The following GABPB1 variants were observed in gnomAD, a reference collection of about 807,000 sequenced individuals.
GABPB1 encodes GA-binding protein subunit beta-1.
A neutral mutation model predicts 45.9 loss-of-function variants in GABPB1; 15 were observed. The ratio of observed to expected loss-of-function variants is 0.33; its 90% CI spans 0.22 to 0.50. The LOEUF (loss-of-function observed/expected upper bound fraction) is 0.50, where lower values mean the gene tolerates loss of function less well. Ranked by LOEUF, GABPB1 falls within the 20% of genes least tolerant of loss-of-function variation. The pLI, the probability that GABPB1 is intolerant of heterozygous loss-of-function variation, is 0.98. For missense variants in GABPB1, 252 were observed against 457.5 expected, an observed-to-expected ratio of 0.55 and a Z score of 4.10; for synonymous variants, 143 against 154.4, an observed-to-expected ratio of 0.93 and a Z score of 0.55.
chr15:50,287,686 T>TA (rs562387425), intron 7 of GABPB1, among the ~76,000 whole-genome samples: 6 of 152,226 alleles, frequency 3.9e-5, no homozygotes, highest in Non-Finnish European at 8.8e-5. Context: ...TGTATAATGA[T>TA]ACGGGTTTTG....
chr15:50,311,263 T>C (rs1240537008), intron 1 of GABPB1, among the ~76,000 whole-genome samples: 1 of 152,150 alleles, frequency 6.6e-6, no homozygotes, highest in African/African-American at 2.4e-5. Context: ...TACTCAATTA[T>C]GTCATACAGT....
chr15:50,332,634 T>C (rs1408219031), intron 1 of GABPB1, among the ~76,000 whole-genome samples: 1 of 152,144 alleles, frequency 6.6e-6, no homozygotes, highest in Admixed American at 6.6e-5. Context: ...TTTAAAATAC[T>C]TGGGATATAT....
intron 1 of GABPB1, among the ~76,000 whole-genome samples, chr15:50,346,591 T>TTTG (rs2048592613): frequency 1.4e-5 from 2 of 147,316 alleles, no homozygotes; most frequent in Middle Eastern, 3.4e-3. Flanking sequence ...CAGAAAGTTT[T>TTTG]TTTTTTTTTT....
intron 7 of GABPB1, among the ~76,000 whole-genome samples, chr15:50,286,394 C>T (rs1207861506): frequency 3.3e-5 from 5 of 151,802 alleles, no homozygotes; most frequent in Non-Finnish European, 4.4e-5. Flanking sequence ...TATTAAAGTA[C>T]CTACAAATAT....
chr15:50,347,818 G>A (rs2141180068), intron 1 of GABPB1, among the ~76,000 whole-genome samples: 2 of 152,222 alleles, frequency 1.3e-5, no homozygotes, highest in South Asian at 4.1e-4. Flanking sequence ...CACTTTGGGA[G>A]GCCAAGGTGG....
intron 1 of GABPB1, among the ~76,000 whole-genome samples, chr15:50,319,084 C>T (rs910291123): frequency 6.6e-6 from 1 of 151,994 alleles, no homozygotes; most frequent in African/African-American, 2.4e-5. Flanking sequence ...CAAAAGGTAT[C>T]TAATGTGGAA....
intron 1 of GABPB1, among the ~76,000 whole-genome samples, chr15:50,328,136 C>A (rs1461601738): frequency 6.6e-6 from 1 of 151,592 alleles, no homozygotes; most frequent in Non-Finnish European, 1.5e-5. Context: ...ATAATATATA[C>A]TGTATATGTG....
chr15:50,296,910 T>G (rs906681257), intron 6 of GABPB1, among the ~76,000 whole-genome samples: 4 of 143,522 alleles, frequency 2.8e-5, no homozygotes, highest in Non-Finnish European at 6.1e-5. Flanking sequence ...TAATTCTTTT[T>G]TTTTTTTTTT....
intron 2 of GABPB1, among the ~76,000 whole-genome samples, chr15:50,305,403 A>T (rs1198839601): frequency 3.3e-5 from 5 of 152,016 alleles, no homozygotes; most frequent in Non-Finnish European, 2.9e-5. Flanking sequence ...TGCAATGGAT[A>T]TTCATAGGTA....
At chr15:50,332,611 T>G (rs555497857) in intron 1 of GABPB1, among the ~76,000 whole-genome samples, 1 of 152,288 alleles carries the variant, frequency 6.6e-6, no homozygotes, top group South Asian at 2.1e-4. Flanking sequence ...ATAATGTGAT[T>G]GTTAGGACTT....
chr15:50,276,883 T>C lies in GABPB1; in HGVS notation c.*1749A>G, dbSNP rs1317945087. On this transcript the variant is annotated 3_prime_UTR_variant, in exon 9 of 9. Transcript: ENST00000380877. ...CAGGACTGCAGAAAAAGTCACTTCA[T>C]GCTATTGAAAATATGGCCTGGCATT... 2 of 152,258 alleles carry C rather than the reference T, an allele frequency of 1.3e-5. No homozygotes were observed. Among genetic ancestry groups the C allele is most frequent in the Non-Finnish European group, 2.9e-5 (2 of 68,046 alleles). 9.4% of individuals were successfully genotyped at this position (152,258 alleles called of 1,614,324 possible). A position where few individuals can be genotyped will look rare whatever the true frequency, so the allele number is the denominator to read the frequency against.
Position 50,295,273 on chromosome 15 carries a change from T to C in GABPB1, c.697+5516A>G, listed in dbSNP as rs28631051. Among the ~76,000 whole-genome samples, 361 of 152,310 alleles carry C rather than the reference T, an allele frequency of 2.4e-3. 1 individual carries two copies. The highest frequency in any genetic ancestry group is 8.2e-3 in the African/African-American group (342 of 41,570). ...TCTTCTAAACCTGCCAAAGTGATCA[T>C]TTTTAAAGTCCTATATAATCTCACC... On this transcript the variant is annotated intron_variant, in intron 6 of 8. Transcript: ENST00000380877.
chr15:50,305,280 C>CTCTA lies in GABPB1; in HGVS notation c.109-1151_109-1148dup, dbSNP rs56956145. On this transcript the variant is annotated intron_variant, in intron 2 of 8. Transcript: ENST00000380877. ...TGTATAAAGGTCCTTAGTCCTATCTCTCTATCTATCTATCTATAGATAGAG... is the reference window on the plus strand; with the variant it reads ...TGTATAAAGGTCCTTAGTCCTATCTCTCTATCTATCTATCTATCTATAGATAGAG... Among the ~76,000 whole-genome samples the CTCTA allele has an allele frequency of 1.8e-3, 280 of 151,662 alleles. 1 individual carries two copies. The highest frequency in any genetic ancestry group is 0.016 in the Admixed American group (241 of 15,248).
At chr15:50,279,064 T>C (rs555994126) in intron 8 of GABPB1, among the ~76,000 whole-genome samples, 7 of 152,356 alleles carry the variant, frequency 4.6e-5, no homozygotes, top group African/African-American at 1.7e-4. Flanking sequence ...TGGGCACCTG[T>C]ACTTTTATAT....
chr15:50,318,276 G>C (rs1001188401), intron 1 of GABPB1, among the ~76,000 whole-genome samples: 1 of 152,138 alleles, frequency 6.6e-6, no homozygotes, highest in African/African-American at 2.4e-5. Flanking sequence ...CTAGGAATCT[G>C]CTGGGATATA....
chr15:50,349,250 A>G (rs758017560), intron 1 of GABPB1: 10 of 151,980 alleles, frequency 6.6e-5, no homozygotes, highest in East Asian at 1.9e-4. Context: ...AAGGCTACAC[A>G]TTACTACCTT....
At chr15:50,326,235 C>A (rs1011679265) in intron 1 of GABPB1, among the ~76,000 whole-genome samples, 1 of 152,126 alleles carries the variant, frequency 6.6e-6, no homozygotes, top group Non-Finnish European at 1.5e-5. Flanking sequence ...TCATCTAGGC[C>A]AGACATGGTG....
intron 8 of GABPB1, among the ~76,000 whole-genome samples, chr15:50,283,449 C>T (rs2046054298): frequency 6.6e-6 from 1 of 151,688 alleles, no homozygotes; most frequent in Non-Finnish European, 1.5e-5. Flanking sequence ...AGTAATTTTT[C>T]CAGAGACTCT....
At chr15:50,353,390 G>GTT in intron 1 of GABPB1, 1 of 149,558 alleles carries the variant, frequency 6.7e-6, no homozygotes, top group Non-Finnish European at 1.5e-5. Context: ...CTGTTTTTTG[G>GTT]TTTTTTTTTT....
Sources: gnomAD v4.1 joint callset for allele counts (sites outside exome capture counted in the v4.1 genomes callset) on GRCh38, gnomAD v4.1.1 for gene constraint, MANE v1.5 for transcripts, NCBI Gene and HGNC (gene_info 2026-07-23, HGNC 2026-07-21) for gene names.